NXPE2: variants seen among roughly 807,000 people sequenced by gnomAD.
NXPE2 encodes the protein NXPE family member 2.
Under a neutral mutation model 34.4 loss-of-function variants are expected in NXPE2, and 34 were observed. The ratio of observed to expected loss-of-function variants is 0.99; its 90% CI spans 0.75 to 1.31. The LOEUF is 1.31. Among genes scored for constraint, NXPE2 ranks in the 40% most tolerant of loss-of-function variants. The pLI is 0.00. For synonymous variants in NXPE2, 235 were observed against 231.3 expected (o/e 1.02, Z -0.15); for missense variants, 649 against 672.5 (o/e 0.97, Z 0.39).
chr11:114,503,647 T>G, the NXPE2 span, among the ~76,000 whole-genome samples: 1 of 152,046 alleles, frequency 6.6e-6, no homozygotes, highest in African/African-American at 2.4e-5. Flanking sequence ...ATTAAGAAGC[T>G]TAGAAGATAA....
the NXPE2 span, among the ~76,000 whole-genome samples, chr11:114,753,562 C>G: frequency 6.6e-6 from 1 of 152,090 alleles, no homozygotes; most frequent in Non-Finnish European, 1.5e-5. Context: ...GTAAATTATT[C>G]ATCAAATCAT....
chr11:114,733,128 G>A, the NXPE2 span, among the ~76,000 whole-genome samples: 1 of 151,936 alleles, frequency 6.6e-6, no homozygotes, highest in African/African-American at 2.4e-5. Context: ...ACGGAGTCTC[G>A]CTCTGTCACC....
At chr11:114,500,842 T>A in the NXPE2 span, among the ~76,000 whole-genome samples, 17 of 152,224 alleles carry the variant, frequency 1.1e-4, no homozygotes, top group Non-Finnish European at 1.9e-4. Context: ...CATTTGGATA[T>A]CCAGTTGTTC....
chr11:114,467,005 G>C, the NXPE2 span, among the ~76,000 whole-genome samples: 1 of 152,138 alleles, frequency 6.6e-6, no homozygotes, highest in Non-Finnish European at 1.5e-5. Context: ...AGATAGCTGT[G>C]AAATATAATC....
At chr11:114,799,612 G>C in the NXPE2 span, among the ~76,000 whole-genome samples, 5 of 152,208 alleles carry the variant, frequency 3.3e-5, no homozygotes, top group Non-Finnish European at 7.3e-5. Context: ...GAGACTTGCC[G>C]ATGTGTTCTG....
the NXPE2 span, among the ~76,000 whole-genome samples, chr11:114,653,073 T>G: frequency 1.3e-5 from 2 of 152,226 alleles, no homozygotes; most frequent in Admixed American, 6.5e-5. Flanking sequence ...TTGTGCCTTT[T>G]TACTCATTGA....
chr11:114,487,233 G>A, the NXPE2 span, among the ~76,000 whole-genome samples: 1 of 151,840 alleles, frequency 6.6e-6, no homozygotes, highest in South Asian at 2.1e-4. Context: ...TTATTCCTAG[G>A]TATTTAATTT....
the NXPE2 span, among the ~76,000 whole-genome samples, chr11:114,561,905 C>T: frequency 1.3e-5 from 2 of 152,072 alleles, no homozygotes; most frequent in East Asian, 3.8e-4. Flanking sequence ...TTTATTTCTC[C>T]AGTTTATTGT....
chr11:114,653,621 G>T, the NXPE2 span, among the ~76,000 whole-genome samples: 1 of 149,934 alleles, frequency 6.7e-6, no homozygotes, highest in Non-Finnish European at 1.5e-5. Flanking sequence ...TTCAACTTCT[G>T]GGTTCATGCC....
At chr11:114,584,012 T>C in the NXPE2 span, 1 of 352,614 alleles carries the variant, frequency 2.8e-6, no homozygotes, top group Non-Finnish European at 5.6e-6. Context: ...GATGTTCCTG[T>C]CTAGTGTGGT....
At chr11:114,581,432 G>T in the NXPE2 span, among the ~76,000 whole-genome samples, 1 of 152,134 alleles carries the variant, frequency 6.6e-6, no homozygotes, top group African/African-American at 2.4e-5. Flanking sequence ...AAAGAAGTGG[G>T]TATAGAATTG....
At chr11:114,767,420 T>C in the NXPE2 span, among the ~76,000 whole-genome samples, 2 of 152,188 alleles carry the variant, frequency 1.3e-5, no homozygotes, top group Non-Finnish European at 2.9e-5. Flanking sequence ...CAAAGCCCTT[T>C]GCTCCTTCCA....
At chr11:114,795,895 G>A in the NXPE2 span, among the ~76,000 whole-genome samples, 13 of 152,314 alleles carry the variant, frequency 8.5e-5, no homozygotes, top group East Asian at 2.3e-3. Context: ...GTTCACCGTG[G>A]GTAGAGGAGG....
chr11:114,516,760 C>G, the NXPE2 span, among the ~76,000 whole-genome samples: 1 of 152,078 alleles, frequency 6.6e-6, no homozygotes, highest in Admixed American at 6.5e-5. Flanking sequence ...ACATGCTGTT[C>G]CTTCTGGAAT....
At chr11:114,555,537 A>G in the NXPE2 span, among the ~76,000 whole-genome samples, 1 of 152,258 alleles carries the variant, frequency 6.6e-6, no homozygotes, top group African/African-American at 2.4e-5. Context: ...GAATACATGC[A>G]TTTTAAGTGC....
the NXPE2 span, among the ~76,000 whole-genome samples, chr11:114,541,348 C>T: frequency 6.6e-6 from 1 of 152,032 alleles, no homozygotes; most frequent in Non-Finnish European, 1.5e-5. Context: ...TATGAAACAG[C>T]TATTATAACT....
chr11:114,486,424 A>G, the NXPE2 span, among the ~76,000 whole-genome samples: 1 of 152,296 alleles, frequency 6.6e-6, no homozygotes, highest in African/African-American at 2.4e-5. Context: ...AGTAGGTTGC[A>G]AATATTTTCT....
chr11:114,500,240 A>G, the NXPE2 span, among the ~76,000 whole-genome samples: 1 of 152,058 alleles, frequency 6.6e-6, no homozygotes, highest in Non-Finnish European at 1.5e-5. Context: ...AATGCATGAG[A>G]CTTCCAGTTA....
At chr11:114,808,194 G>A in the NXPE2 span, among the ~76,000 whole-genome samples, 1 of 152,212 alleles carries the variant, frequency 6.6e-6, no homozygotes, top group Non-Finnish European at 1.5e-5. Flanking sequence ...ATTCAAAGCA[G>A]TGTGTAGAGG....
Sources: gnomAD v4.1 joint callset for allele counts (sites outside exome capture counted in the v4.1 genomes callset) on GRCh38, gnomAD v4.1.1 for gene constraint, MANE v1.5 for transcripts, NCBI Gene and HGNC (gene_info 2026-07-23, HGNC 2026-07-21) for gene names.